Variants in RP1 observed in about 807,000 individuals in gnomAD.
RP1 encodes oxygen-regulated protein 1.
In RP1, 16 loss-of-function variants were observed where a neutral mutation model predicts 14.8. The ratio of observed to expected loss-of-function variants is 1.08; its 90% CI spans 0.73 to 1.65. The LOEUF (loss-of-function observed/expected upper bound fraction) is 1.65. Ranked by LOEUF, RP1 falls within the 40% of genes most tolerant of loss-of-function variation. The pLI is 0.00. For synonymous variants in RP1, 876 were observed against 883.6 expected, an observed-to-expected ratio of 0.99 and a Z score of 0.15; for missense variants, 2,631 against 2,535.0, an observed-to-expected ratio of 1.04 and a Z score of -0.81.
intron 19 of RP1, among the ~76,000 whole-genome samples, chr8:54,750,964 G>T (rs1198296898): frequency 6.6e-6 from 1 of 152,206 alleles, no homozygotes; most frequent in African/African-American, 2.4e-5. Context: ...GTGGCAACCT[G>T]CTCGGGTACC....
In RP1 at chr8:54,697,129, C is replaced by T. The variant is rs1463068125; in HGVS notation, c.1718-2338C>T. The stretch of plus-strand genomic sequence containing the variant: ...AACGCATCAATCAGCTCATCTAGAC[C>T]TAGGTGCCGAACAGCACTACATTTT... On this transcript the variant is annotated intron_variant, in intron 12 of 22. Coordinates refer to the RP1 transcript ENST00000636932. The T allele has an allele frequency of 2.3e-6, 3 of 1,305,514 alleles. No homozygotes were observed. In the African/African-American group the frequency reaches 4.3e-5, roughly 19 times the overall value. 80.9% of individuals were successfully genotyped at this position (1,305,514 alleles called of 1,614,324 possible). A position where few individuals can be genotyped will look rare whatever the true frequency, so the allele number is the denominator to read the frequency against.
chr8:54,559,759 G>A (rs902903662), intron 1 of RP1, among the ~76,000 whole-genome samples: 1 of 152,138 alleles, frequency 6.6e-6, no homozygotes, highest in African/African-American at 2.4e-5. Flanking sequence ...GTCACGTTCG[G>A]GCAGGACTGG....
At chr8:54,564,152 T>C (rs1338373262) in intron 1 of RP1, among the ~76,000 whole-genome samples, 1 of 152,190 alleles carries the variant, frequency 6.6e-6, no homozygotes, top group Non-Finnish European at 1.5e-5. Context: ...CAGATGCCAT[T>C]ACAGTGGTGG....
chr8:54,816,103 A>G (rs1189257542), intron 24 of RP1, among the ~76,000 whole-genome samples: 1 of 152,226 alleles, frequency 6.6e-6, no homozygotes. Flanking sequence ...CAAGGAAGGT[A>G]GATTCTTAAA....
intron 21 of RP1, among the ~76,000 whole-genome samples, chr8:54,757,057 C>T (rs777704940): frequency 1.3e-5 from 2 of 152,104 alleles, no homozygotes; most frequent in Non-Finnish European, 2.9e-5. Context: ...TTTTTCTTCC[C>T]TGGTTCATTT....
intron 15 of RP1, among the ~76,000 whole-genome samples, chr8:54,707,184 G>T (rs1251386312): frequency 5.3e-5 from 8 of 152,122 alleles, no homozygotes; most frequent in Non-Finnish European, 1.2e-4. Context: ...TGTCACCCAG[G>T]CTGGAGTGCA....
intron 1 of RP1, among the ~76,000 whole-genome samples, chr8:54,582,113 T>C (rs1188572539): frequency 2.0e-5 from 3 of 152,240 alleles, no homozygotes; most frequent in Non-Finnish European, 4.4e-5. Context: ...CTAGGTTTTC[T>C]TCTACGGTTT....
intron 3 of RP1, among the ~76,000 whole-genome samples, chr8:54,648,370 G>A (rs1457046477): frequency 1.3e-5 from 2 of 152,058 alleles, no homozygotes; most frequent in East Asian, 3.9e-4. Flanking sequence ...TTCACAGTGA[G>A]CCATATGTTT....
At chr8:54,771,263 C>G (rs899496294), downstream of RP1, among the ~76,000 whole-genome samples, 3 of 151,942 alleles carry the variant, frequency 2.0e-5, no homozygotes, top group African/African-American at 7.2e-5. Context: ...AGGTCTGTGT[C>G]TTACAATAAA....
chr8:54,701,726 G>A, intron 14 of RP1: 1 of 1,428,944 alleles, frequency 7.0e-7, no homozygotes, highest in Non-Finnish European at 9.4e-7. Flanking sequence ...GCCCTATTGA[G>A]CAAAAGTCTT....
chr8:54,626,496 C>T lies in RP1; in HGVS notation c.2614C>T (p.Arg872Cys), dbSNP rs375490869. The T allele has an allele frequency of 3.1e-6, 5 of 1,613,454 alleles. No homozygotes were observed. The highest frequency in any genetic ancestry group is 1.6e-4 in the Middle Eastern group (1 of 6,082). ...CATAACTTTAAAAAGCCAGAAAAAA[C>T]GTAAAGGGGATAAAGTGAAAGCAAG... Reference protein sequence around the residue: ...SHITLKSQKKRKGDKVKASAI... With the variant: ...SHITLKSQKKCKGDKVKASAI... The change falls in exon 4 of 4, where the codon CGT (arginine) becomes TGT (cysteine). Residue 872 changes from arginine (R) to cysteine (C), a missense_variant. Coordinates refer to ENST00000220676, the MANE Select transcript of RP1 (RefSeq NM_006269.2).
At chr8:54,583,063 T>A (rs534709281) in intron 1 of RP1, among the ~76,000 whole-genome samples, 3,211 of 152,288 alleles carry the variant, frequency 0.021, 46 homozygotes, top group Non-Finnish European at 0.031. Context: ...AGAGAGGGCA[T>A]CCCTGTCTTG....
chr8:54,629,678 C>A lies in RP1; in HGVS notation c.5796C>A (p.Asp1932Glu), dbSNP rs781372310. ...TVIIQPMNEEDRGFAYRKESD... is the reference protein window; with the variant it reads ...TVIIQPMNEEERGFAYRKESD... Reference sequence around the variant, plus strand: ...TTATCCAACCCATGAATGAGGAAGACCGAGGATTTGCATATCGCAAAGAAT... The same window carrying A: ...TTATCCAACCCATGAATGAGGAAGAACGAGGATTTGCATATCGCAAAGAAT... Residue 1932 changes from aspartate to glutamate, a missense_variant, in exon 4 of 4, where the codon GAC (aspartate) becomes GAA (glutamate). Transcript: ENST00000220676. The A allele has an allele frequency of 2.5e-6, 4 of 1,613,674 alleles. No homozygotes were observed. Among genetic ancestry groups the A allele is most frequent in the South Asian group, 1.1e-5 (1 of 90,936 alleles).
At chr8:54,812,806 T>TATCTATCC (rs774921416) in intron 24 of RP1, among the ~76,000 whole-genome samples, 1 of 134,568 alleles carries the variant, frequency 7.4e-6, no homozygotes, top group Non-Finnish European at 1.6e-5. Flanking sequence ...TCTATCTATC[T>TATCTATCC]ATCTCTCCGT....
At chr8:54,649,188 A>G in intron 4 of RP1, 2 of 1,397,972 alleles carry the variant, frequency 1.4e-6, no homozygotes, top group South Asian at 1.7e-5. Context: ...AATATAAGTG[A>G]TACACCTAGT....
At chr8:54,588,860 G>T (rs955442287) in intron 1 of RP1, among the ~76,000 whole-genome samples, 20 of 152,172 alleles carry the variant, frequency 1.3e-4, no homozygotes, top group Non-Finnish European at 8.8e-5. Context: ...CCATTTAAAA[G>T]GTACTTGGAT....
rs184230412 is a variant in RP1, at chr8:54,722,015, G to A, written c.2389+1709G>A. Among the ~76,000 whole-genome samples, 654 of 152,044 alleles carry A rather than the reference G, an allele frequency of 4.3e-3. 3 individuals are homozygous for A. Among genetic ancestry groups the A allele is most frequent in the Non-Finnish European group, 6.8e-3 (459 of 67,980 alleles). On this transcript the variant is annotated intron_variant, in intron 16 of 22. Coordinates refer to the RP1 transcript ENST00000636932. ...CCCAGCACTTTGGGAGGCCAAGATG[G>A]GTGGATCACTTGAGGCCAGGAATTT...
intron 24 of RP1, among the ~76,000 whole-genome samples, chr8:54,788,373 T>C (rs1270147832): frequency 6.6e-6 from 1 of 152,242 alleles, no homozygotes; most frequent in African/African-American, 2.4e-5. Flanking sequence ...TAGATGGGTG[T>C]TAGCATGTCA....
At chr8:54,607,746 C>T (rs2091940) in intron 1 of RP1, among the ~76,000 whole-genome samples, 1 of 152,040 alleles carries the variant, frequency 6.6e-6, no homozygotes, top group East Asian at 1.9e-4. Context: ...GGCAACGGCA[C>T]GGACCCCTCC....
Sources: allele counts gnomAD v4.1 joint callset (sites outside exome capture counted in the v4.1 genomes callset), GRCh38; gene constraint gnomAD v4.1.1; transcripts MANE v1.5; gene names NCBI Gene and HGNC (gene_info 2026-07-23, HGNC 2026-07-21).